Variants in INVS observed in about 807,000 individuals in gnomAD.
The protein encoded by INVS is inversion of embryo turning homolog.
INVS carries 86 observed loss-of-function variants against 108.8 expected under a neutral mutation model. The observed-to-expected ratio is 0.79, with a 90% confidence interval of 0.66 to 0.95. The LOEUF is 0.95. Ranked by LOEUF, INVS falls within the 40% of genes least tolerant of loss-of-function variation. The pLI, the probability that INVS is intolerant of heterozygous loss-of-function variation, is 0.00. For missense variants in INVS, 1,169 were observed against 1,297.4 expected, an observed-to-expected ratio of 0.90 and a Z score of 1.52; for synonymous variants, 455 against 473.5, an observed-to-expected ratio of 0.96 and a Z score of 0.51.
Position 100,292,480 on chromosome 9 carries a change from C to T in INVS, c.2223C>T (p.Phe741=), listed in dbSNP as rs758408851. The change falls in exon 14 of 17, where the codon TTC becomes TTT. Residue 741 remains phenylalanine, a synonymous_variant. Transcript: ENST00000262457. The part of the protein sequence containing the change: ...GDERCAKGKG[F]VKQPSCIRVA... ...AGCGGTGTGCAAAGGGGAAAGGCTT[C>T]GTGAAGCAGCCCTCCTGTATCAGGG... 1.5e-5 allele frequency: 25 copies of T among 1,613,972 alleles called. No homozygotes were observed. Among genetic ancestry groups the T allele is most frequent in the East Asian group, 6.7e-5 (3 of 44,888 alleles).
At chr9:100,254,245 C>A (rs1043555017) in intron 10 of INVS, among the ~76,000 whole-genome samples, 9 of 152,068 alleles carry the variant, frequency 5.9e-5, no homozygotes, top group African/African-American at 2.2e-4. Flanking sequence ...TGTCCTTCGC[C>A]CACTTTTTGA....
intron 3 of INVS, among the ~76,000 whole-genome samples, chr9:100,203,007 G>C (rs1830575198): frequency 6.6e-6 from 1 of 152,186 alleles, no homozygotes; most frequent in Admixed American, 6.5e-5. Context: ...GTAATGTGAT[G>C]GGCTTGTAGA....
At chr9:100,249,589 G>C (rs193241047) in intron 8 of INVS, among the ~76,000 whole-genome samples, 23 of 151,830 alleles carry the variant, frequency 1.5e-4, no homozygotes, top group Admixed American at 1.4e-3. Context: ...CCACCTCCCG[G>C]GTTCAAGTGA....
intron 3 of INVS, among the ~76,000 whole-genome samples, chr9:100,194,652 A>C (rs557925273): frequency 1.3e-5 from 2 of 152,072 alleles, no homozygotes; most frequent in African/African-American, 4.8e-5. Context: ...CTTATTTCTG[A>C]TCTTAGGAAG....
At chr9:100,299,866 T>C (rs1367965981) in intron 16 of INVS, among the ~76,000 whole-genome samples, 1 of 152,064 alleles carries the variant, frequency 6.6e-6, no homozygotes, top group African/African-American at 2.4e-5. Context: ...CCAAAAACAA[T>C]AGTTCACATT....
intron 3 of INVS, among the ~76,000 whole-genome samples, chr9:100,148,021 A>G (rs1340452546): frequency 1.1e-5 from 1 of 88,854 alleles, no homozygotes; most frequent in South Asian, 2.5e-4. Context: ...CTGTCTCTAC[A>G]AAAAAAAAAA....
At chr9:100,274,393 C>T (rs1313857666) in intron 12 of INVS, among the ~76,000 whole-genome samples, 1 of 152,092 alleles carries the variant, frequency 6.6e-6, no homozygotes, top group East Asian at 1.9e-4. Flanking sequence ...TTAGATTATA[C>T]TTAGGTTTGC....
At chr9:100,188,226 G>T (rs1420484786) in intron 3 of INVS, among the ~76,000 whole-genome samples, 2 of 152,128 alleles carry the variant, frequency 1.3e-5, no homozygotes, top group East Asian at 3.8e-4. Context: ...GAATAGAAAT[G>T]ATGAAAGTGG....
chr9:100,271,860 T>C (rs865900038), intron 11 of INVS, among the ~76,000 whole-genome samples: 1 of 152,150 alleles, frequency 6.6e-6, no homozygotes, highest in Non-Finnish European at 1.5e-5. Context: ...TCTTCTTTTA[T>C]GGTTTCCGAA....
At chr9:100,101,518 T>G (rs140613818) in intron 1 of INVS, 1 of 152,200 alleles carries the variant, frequency 6.6e-6, no homozygotes, top group Non-Finnish European at 1.5e-5. Flanking sequence ...AACACCCTCT[T>G]CCTCCATATT....
intron 3 of INVS, among the ~76,000 whole-genome samples, chr9:100,209,709 G>T (rs1020960927): frequency 6.9e-6 from 1 of 144,450 alleles, no homozygotes; most frequent in African/African-American, 2.6e-5. Flanking sequence ...GGCAGAGCTT[G>T]CAGTGAGCCG....
intron 3 of INVS, among the ~76,000 whole-genome samples, chr9:100,209,203 A>G (rs1396897485): frequency 6.6e-6 from 1 of 152,238 alleles, no homozygotes; most frequent in African/African-American, 2.4e-5. Flanking sequence ...CCTGTGGTTA[A>G]GGAAAATAAA....
At chr9:100,157,401 A>G (rs1181405222) in intron 3 of INVS, among the ~76,000 whole-genome samples, 7 of 151,428 alleles carry the variant, frequency 4.6e-5, no homozygotes, top group Non-Finnish European at 1.5e-5. Flanking sequence ...AGTAGCTGGG[A>G]CTACAGGCGC....
intron 3 of INVS, among the ~76,000 whole-genome samples, chr9:100,166,590 GAATTC>G (rs1369532867): frequency 6.6e-6 from 1 of 152,174 alleles, no homozygotes; most frequent in Non-Finnish European, 1.5e-5. Flanking sequence ...GCCAGGTAGA[GAATTC>G]AATTCAACTA....
chr9:100,213,380 T>A (rs77484814), intron 3 of INVS, among the ~76,000 whole-genome samples: 3 of 152,152 alleles, frequency 2.0e-5, no homozygotes, highest in Admixed American at 6.5e-5. Flanking sequence ...TTTTTCTTTT[T>A]TTTTAATTAG....
intron 3 of INVS, among the ~76,000 whole-genome samples, chr9:100,138,695 GTTTCCTTTTTTTTTTTTTTT>G (rs1474027025): frequency 1.6e-5 from 2 of 128,288 alleles, no homozygotes; most frequent in East Asian, 5.9e-4. Context: ...TTTATTGATG[GTTTCCTTTTTTTTTTTTTTT>G]TTTCCTTTCA....
At chr9:100,172,207 T>G (rs1829563853) in intron 3 of INVS, among the ~76,000 whole-genome samples, 1 of 152,196 alleles carries the variant, frequency 6.6e-6, no homozygotes, top group African/African-American at 2.4e-5. Context: ...CCCTTACTTA[T>G]GAATCTTAGC....
intron 1 of INVS, among the ~76,000 whole-genome samples, chr9:100,103,677 G>T (rs1032047199): frequency 1.4e-5 from 2 of 144,464 alleles, no homozygotes; most frequent in Non-Finnish European, 3.0e-5. Flanking sequence ...GAGGAAAGGA[G>T]AGGCGAGGGG....
chr9:100,124,177 A>AGTGTGTGTGTGT (rs3052021), intron 2 of INVS, among the ~76,000 whole-genome samples: 16 of 144,230 alleles, frequency 1.1e-4, no homozygotes, highest in African/African-American at 3.6e-4. Flanking sequence ...TTTGTTTCTG[A>AGTGTGTGTGTGT]GTGTGTGTGT....
Sources: allele counts gnomAD v4.1 joint callset (sites outside exome capture counted in the v4.1 genomes callset), GRCh38; gene constraint gnomAD v4.1.1; transcripts MANE v1.5; gene names NCBI Gene and HGNC (gene_info 2026-07-23, HGNC 2026-07-21).